RAD52: variants seen among roughly 807,000 people sequenced by gnomAD.
RAD52 encodes the protein RAD52 DNA repair protein.
RAD52 carries 47 observed loss-of-function variants against 55.5 expected under a neutral mutation model. The ratio of observed to expected loss-of-function variants is 0.85; its 90% CI spans 0.67 to 1.08. RAD52 has a LOEUF of 1.08. RAD52 is among the 50% of genes least tolerant of loss of function. RAD52 has a pLI of 0.00. For missense variants in RAD52, 468 were observed against 522.8 expected, an observed-to-expected ratio of 0.90 and a Z score of 1.02; for synonymous variants, 184 against 198.9, an observed-to-expected ratio of 0.92 and a Z score of 0.63.
At chr12:958,521 G>A (rs1200361272) in intron 1 of RAD52, among the ~76,000 whole-genome samples, 1 of 152,176 alleles carries the variant, frequency 6.6e-6, no homozygotes, top group Non-Finnish European at 1.5e-5. Context: ...CACCCAGCCT[G>A]CATTGCCTTT....
At chr12:949,885 C>T (rs905860144), upstream of RAD52, among the ~76,000 whole-genome samples, 2 of 152,194 alleles carry the variant, frequency 1.3e-5, no homozygotes, top group Non-Finnish European at 2.9e-5. Context: ...CTGAGCCGCT[C>T]GCCCTGCCGC....
upstream of RAD52, chr12:949,696 G>A (rs1400291017): frequency 6.6e-6 from 1 of 152,398 alleles, no homozygotes; most frequent in Non-Finnish European, 1.5e-5. Context: ...GAGGAGAATG[G>A]GAAGGGTGCG....
intron 1 of RAD52, among the ~76,000 whole-genome samples, chr12:947,089 G>A (rs553690633): frequency 5.1e-4 from 78 of 152,358 alleles, no homozygotes; most frequent in East Asian, 5.8e-4. Context: ...CACTTTGGGA[G>A]GCCAAGGCGG....
chr12:931,172 G>C, intron 3 of RAD52, 48 bp downstream of exon 3: 1 of 1,466,730 alleles, frequency 6.8e-7, no homozygotes, highest in Non-Finnish European at 9.5e-7. Flanking sequence ...AAGACCATCG[G>C]AGTCTGCGGT....
rs753288873 is a variant in RAD52 at position 914,130 on chromosome 12, G to A, written c.968-9C>T. On this transcript the variant is annotated splice_polypyrimidine_tract_variant and intron_variant, in intron 10 of 11. Transcript: ENST00000358495. ...GTTGTCTTCAAGAGTCTCTACAGAG[G>A]TCAAGGAAAAGTGCGTCATCAGCAA... 1.2e-6 allele frequency: 2 copies of A among 1,608,612 alleles called. No homozygotes were observed. Among genetic ancestry groups the A allele is most frequent in the Non-Finnish European group, 1.7e-6 (2 of 1,175,278 alleles).
chr12:942,710 C>T (rs1354326796), intron 1 of RAD52, among the ~76,000 whole-genome samples: 2 of 150,950 alleles, frequency 1.3e-5, no homozygotes, highest in South Asian at 4.2e-4. Flanking sequence ...TCGCCATCAC[C>T]GCACTCCAGC....
At chr12:939,804 C>A (rs372502217) in intron 1 of RAD52, among the ~76,000 whole-genome samples, 1 of 152,154 alleles carries the variant, frequency 6.6e-6, no homozygotes, top group East Asian at 1.9e-4. Flanking sequence ...GCACCGGGCG[C>A]GGTGGCTCAT....
At chr12:934,660 G>C (rs1433643177) in intron 1 of RAD52, among the ~76,000 whole-genome samples, 4 of 152,086 alleles carry the variant, frequency 2.6e-5, no homozygotes. Flanking sequence ...ACTGGGAGGT[G>C]GTGGATATGT....
chr12:975,254 G>A (rs940273292), intron 1 of RAD52: 17 of 151,926 alleles, frequency 1.1e-4, no homozygotes, highest in African/African-American at 3.9e-4. Context: ...GGATAAAGAT[G>A]AGAGGGGACT....
At chr12:963,515 T>C (rs1461171139) in intron 1 of RAD52, among the ~76,000 whole-genome samples, 2 of 152,200 alleles carry the variant, frequency 1.3e-5, no homozygotes, top group East Asian at 1.9e-4. Context: ...AAATTAATGA[T>C]TTTTAATTAT....
At position 978,304 on chromosome 12, in the gene RAD52, T is replaced by G. The variant is rs536189238; in HGVS notation, c.-19+11505A>C. ...TCCTGACCTCGTGATCTGCCCGCCT[T>G]GGCCTCCCACAGTGCTGGGATTACA... On this transcript the variant is annotated intron_variant, in intron 1 of 11. Coordinates refer to the RAD52 transcript ENST00000430095. 3.9e-3 allele frequency among the ~76,000 whole-genome samples: 596 copies of G among 152,262 alleles called. 9 individuals carry two copies. Among genetic ancestry groups the G allele is most frequent in the African/African-American group, 0.014 (577 of 41,560 alleles).
chr12:940,755 A>T (rs1481093298), intron 1 of RAD52, among the ~76,000 whole-genome samples: 2 of 152,156 alleles, frequency 1.3e-5, no homozygotes, highest in African/African-American at 4.8e-5. Flanking sequence ...TAGAAGCCAT[A>T]CTTGACTACA....
At chr12:917,770 CAAAAAAAA>C (rs71055103) in intron 7 of RAD52, among the ~76,000 whole-genome samples, 5 of 107,362 alleles carry the variant, frequency 4.7e-5, no homozygotes, top group Admixed American at 4.0e-4. Flanking sequence ...ACTAAAAATA[CAAAAAAAA>C]AAAAAAAAAA....
At chr12:924,668 G>C (rs1263327839) in intron 7 of RAD52, among the ~76,000 whole-genome samples, 4 of 152,156 alleles carry the variant, frequency 2.6e-5, no homozygotes, top group Non-Finnish European at 5.9e-5. Context: ...CCCCACCACA[G>C]ACCCCATTCT....
chr12:920,335 T>A lies in RAD52; in HGVS notation c.544-3515A>T, dbSNP rs1179421270. Among the ~76,000 whole-genome samples the A allele has an allele frequency of 1.0e-4, 12 of 117,566 alleles. 3 individuals carry two copies. The East Asian group carries it at 2.7e-3, about 27-fold the overall frequency. The allele number at this position is 117,566 out of a possible 152,430, so 77.1% of individuals were successfully genotyped here. A position where few individuals can be genotyped will look rare whatever the true frequency, so the allele number is the denominator to read the frequency against. ...ATTTTGGGAGGCCGAGGTGGGCAGA[T>A]CACGAGGTCAGGATATCGAGACCAT... On this transcript the variant is annotated intron_variant, in intron 7 of 11. Coordinates refer to ENST00000358495, the MANE Select transcript of RAD52 (RefSeq NM_134424.4).
rs575698807 is a variant in RAD52 at position 983,485 on chromosome 12, C to T, written c.-19+6324G>A. ...AGACTGGAGAGCAATGGCGTGATCT[C>T]AGCTCACTGCAACCTCTGCCTCCCA... is the stretch of plus-strand genomic sequence containing the variant. On this transcript the variant is annotated intron_variant, in intron 1 of 11. Coordinates refer to the RAD52 transcript ENST00000430095. Among the ~76,000 whole-genome samples, 3 of 147,088 alleles carry T rather than the reference C, an allele frequency of 2.0e-5. No homozygotes were observed. In the East Asian group the frequency reaches 5.9e-4, roughly 29 times the overall value.
intron 1 of RAD52, among the ~76,000 whole-genome samples, chr12:977,705 T>A (rs571038482): frequency 6.6e-6 from 1 of 152,208 alleles, no homozygotes; most frequent in Non-Finnish European, 1.5e-5. Flanking sequence ...GCGTGTGTTA[T>A]CAAGCCAGTC....
rs1956401470 is a variant in RAD52 at position 916,645 on chromosome 12, C to G, written c.719G>C (p.Ser240Thr). The change falls in exon 8 of 12, where the codon AGC (serine) becomes ACC (threonine). Residue 240 changes from serine to threonine, a missense_variant. Ser to Thr is a moderately conservative substitution (Grantham distance 58). Transcript: ENST00000358495. ...GGGGACTTAGGCCGCATACCGGGAG[C>G]TGCAGTCCTGGTCCGCCGGTATCAC... is the stretch of plus-strand genomic sequence containing the variant. ...HAVIPADQDC[S>T]SRSLSSSAVE... 6.2e-7 allele frequency: 1 copy of G among 1,613,156 alleles called. No individual in the cohort carries two copies. The highest frequency in any genetic ancestry group is 1.3e-5 in the African/African-American group (1 of 74,870).
chr12:928,737 G>T (rs966585435), intron 5 of RAD52, among the ~76,000 whole-genome samples: 1 of 151,786 alleles, frequency 6.6e-6, no homozygotes, highest in Admixed American at 6.6e-5. Flanking sequence ...AAACACAATT[G>T]TCTGGTCAAT....
Sources: allele counts gnomAD v4.1 joint callset (sites outside exome capture counted in the v4.1 genomes callset), GRCh38; gene constraint gnomAD v4.1.1; transcripts MANE v1.5; gene names NCBI Gene and HGNC (gene_info 2026-07-23, HGNC 2026-07-21).